The following RABGAP1L variants were observed in gnomAD, a reference collection of about 807,000 sequenced individuals.
RABGAP1L encodes the protein RAB GTPase activating protein 1 like.
A neutral mutation model predicts 137.7 loss-of-function variants in RABGAP1L; 63 were observed. The observed-to-expected ratio is 0.46, with a 90% CI of 0.37 to 0.56. The LOEUF (loss-of-function observed/expected upper bound fraction) is 0.56. Ranked by LOEUF, RABGAP1L falls within the 20% of genes least tolerant of loss-of-function variation. RABGAP1L has a pLI of 0.00. For missense variants in RABGAP1L, 1,095 were observed against 1,244.0 expected, an observed-to-expected ratio of 0.88 and a Z score of 1.80; for synonymous variants, 431 against 433.7, an observed-to-expected ratio of 0.99 and a Z score of 0.08.
At chr1:174,896,683 T>C (rs2149139543) in intron 19 of RABGAP1L, among the ~76,000 whole-genome samples, 2 of 152,338 alleles carry the variant, frequency 1.3e-5, no homozygotes, top group South Asian at 4.1e-4. Context: ...CCAGCACCAC[T>C]TATTAAATAG....
intron 19 of RABGAP1L, among the ~76,000 whole-genome samples, chr1:174,908,097 G>A (rs373343041): frequency 6.6e-6 from 1 of 152,180 alleles, no homozygotes; most frequent in East Asian, 1.9e-4. Flanking sequence ...GGTCAATTAA[G>A]CAAGAGAATA....
At chr1:174,208,587 T>C (rs975001988) in intron 1 of RABGAP1L, among the ~76,000 whole-genome samples, 5 of 152,196 alleles carry the variant, frequency 3.3e-5, no homozygotes, top group African/African-American at 1.2e-4. Flanking sequence ...TGACATTGAT[T>C]GGTTTTTGAA....
At chr1:174,876,387 GC>G (rs1653115225) in intron 19 of RABGAP1L, among the ~76,000 whole-genome samples, 1 of 152,126 alleles carries the variant, frequency 6.6e-6, no homozygotes, top group South Asian at 2.1e-4. Context: ...GAAGATACTA[GC>G]TTAATTAGGA....
rs1407842944 is a variant in RABGAP1L at position 174,221,162 on chromosome 1, C to T, written c.329C>T (p.Thr110Ile). 1.3e-6 allele frequency: 2 copies of T among 1,585,906 alleles called. No homozygotes were observed. Among genetic ancestry groups the T allele is most frequent in the Non-Finnish European group, 1.7e-6 (2 of 1,165,682 alleles). The change falls in exon 3 of 26, where the codon ACA becomes ATA. Residue 110 changes from threonine to isoleucine, a missense_variant and splice_region_variant. Thr to Ile is a moderately conservative substitution (Grantham distance 89, BLOSUM62 -1). Coordinates refer to ENST00000681986, the MANE Select transcript of RABGAP1L (RefSeq NM_001366446.1). The part of the protein sequence containing the change: ...SLQLILDPSN[T>I]EISTPRPSSP... ...CAGTTAATTTTGGATCCGTCTAACA[C>T]AGGTACTGTATTGAATTCTTAGAAA...
intron 13 of RABGAP1L, among the ~76,000 whole-genome samples, chr1:174,556,520 CTCTTT>C (rs543028004): frequency 1.7e-4 from 26 of 152,314 alleles, no homozygotes; most frequent in Admixed American, 1.2e-3. Flanking sequence ...CTGTACTCTT[CTCTTT>C]TATCAAATGG....
At chr1:174,581,623 T>G (rs1668753340) in intron 13 of RABGAP1L, among the ~76,000 whole-genome samples, 2 of 152,210 alleles carry the variant, frequency 1.3e-5, no homozygotes, top group Admixed American at 6.5e-5. Context: ...CCTCGACTTG[T>G]GACAAATATA....
chr1:174,344,975 G>A (rs760291036), intron 11 of RABGAP1L, among the ~76,000 whole-genome samples: 33 of 152,006 alleles, frequency 2.2e-4, no homozygotes, highest in Non-Finnish European at 4.6e-4. Flanking sequence ...TATATGGTGA[G>A]AGGTGCCTAG....
At chr1:174,427,103 C>A (rs1193152672) in intron 13 of RABGAP1L, among the ~76,000 whole-genome samples, 2 of 150,570 alleles carry the variant, frequency 1.3e-5, no homozygotes, top group Non-Finnish European at 3.0e-5. Context: ...GTGATATAAA[C>A]CTCTATGAAA....
chr1:174,786,309 T>G (rs1687442552), intron 18 of RABGAP1L, among the ~76,000 whole-genome samples: 1 of 152,248 alleles, frequency 6.6e-6, no homozygotes, highest in Admixed American at 6.5e-5. Context: ...TTTGGGAACT[T>G]TAATGATTGG....
intron 19 of RABGAP1L, among the ~76,000 whole-genome samples, chr1:174,851,848 T>G (rs541793983): frequency 6.6e-6 from 1 of 152,214 alleles, no homozygotes; most frequent in East Asian, 1.9e-4. Flanking sequence ...GGAAATTAAC[T>G]CCTACCTTTC....
chr1:174,619,859 G>T (rs138078211), intron 13 of RABGAP1L, among the ~76,000 whole-genome samples: 1 of 152,158 alleles, frequency 6.6e-6, no homozygotes, highest in Non-Finnish European at 1.5e-5. Context: ...TGGATAAAGA[G>T]TCAGGACCCA....
intron 10 of RABGAP1L, among the ~76,000 whole-genome samples, chr1:174,289,244 T>C (rs1013899570): frequency 1.3e-5 from 2 of 152,212 alleles, no homozygotes; most frequent in Non-Finnish European, 2.9e-5. Context: ...GGTCTTGCTG[T>C]TTTGCTTAGG....
intron 13 of RABGAP1L, among the ~76,000 whole-genome samples, chr1:174,597,235 A>G (rs1422578397): frequency 3.3e-5 from 5 of 152,126 alleles, no homozygotes; most frequent in Non-Finnish European, 5.9e-5. Context: ...CCCTCATAGA[A>G]TGAGTTTGGA....
intron 14 of RABGAP1L, among the ~76,000 whole-genome samples, chr1:174,666,766 G>C (rs74641552): frequency 0.079 from 11,950 of 152,102 alleles, 654 homozygotes; most frequent in East Asian, 0.32. Flanking sequence ...TAGCAACCCA[G>C]GTAAGGTTTG....
Position 174,583,281 on chromosome 1 carries a change from ATC to A in RABGAP1L, c.1711-54089_1711-54088del, listed in dbSNP as rs796454916. Among the ~76,000 whole-genome samples the A allele has an allele frequency of 3.9e-5, 6 of 152,126 alleles. No homozygotes were observed. In the South Asian group the frequency reaches 1.0e-3, roughly 26 times the overall value. ...ATATGTCAGAGCCCATCTTTTACAG[ATC>A]TCTCATGATTGCCCTAAAAATTCCA... On this transcript the variant is annotated intron_variant, in intron 13 of 25. Transcript: ENST00000681986.
chr1:174,569,779 A>G (rs1667847708), intron 13 of RABGAP1L, among the ~76,000 whole-genome samples: 1 of 152,248 alleles, frequency 6.6e-6, no homozygotes, highest in Non-Finnish European at 1.5e-5. Context: ...AGTAAAAATT[A>G]ACGAAGTAGA....
intron 18 of RABGAP1L, among the ~76,000 whole-genome samples, chr1:174,772,222 A>C (rs776874719): frequency 4.6e-5 from 7 of 152,048 alleles, no homozygotes; most frequent in South Asian, 2.1e-4. Context: ...CAAAACAAAA[A>C]AAAATAACTA....
Position 174,500,143 on chromosome 1 carries a change from G to A in RABGAP1L, c.1710+105998G>A, listed in dbSNP as rs141880644. Among the ~76,000 whole-genome samples the A allele has an allele frequency of 1.4e-4, 21 of 150,526 alleles. No homozygotes were observed. The East Asian group carries it at 2.5e-3, about 18-fold the overall frequency. On this transcript the variant is annotated intron_variant, in intron 13 of 25. Transcript: ENST00000681986. ...AGCCCAGGCTAGACTGCAATGATGC[G>A]ATCTCAACTCACTGCAACCTCCGCC...
chr1:174,688,377 G>T (rs543328452), intron 15 of RABGAP1L, among the ~76,000 whole-genome samples: 1 of 152,050 alleles, frequency 6.6e-6, no homozygotes, highest in Admixed American at 6.6e-5. Context: ...ATTACTGTAT[G>T]TATACTAATA....
Sources: allele counts gnomAD v4.1 joint callset (sites outside exome capture counted in the v4.1 genomes callset), GRCh38; gene constraint gnomAD v4.1.1; transcripts MANE v1.5; gene names NCBI Gene and HGNC (gene_info 2026-07-23, HGNC 2026-07-21).